Variants in TNNT1 observed in about 807,000 individuals in gnomAD.
The protein encoded by TNNT1 is troponin T1, slow skeletal type, also known as troponin T, slow skeletal muscle.
Under a neutral mutation model 50.6 loss-of-function variants are expected in TNNT1, and 53 were observed. The ratio of observed to expected loss-of-function variants is 1.05; its 90% CI spans 0.84 to 1.32. The LOEUF (loss-of-function observed/expected upper bound fraction) is 1.32, where lower values mean the gene tolerates loss of function less well. Among genes scored for constraint, TNNT1 ranks in the 40% most tolerant of loss-of-function variants. The pLI is 0.00. For missense variants in TNNT1, 348 were observed against 381.7 expected (o/e 0.91, Z 0.74); for synonymous variants, 142 against 138.0 (o/e 1.03, Z -0.20).
chr19:55,146,923 G>T (rs1411518022), intron 3 of TNNT1, 85 bp downstream of exon 3: 20 of 1,475,856 alleles, frequency 1.4e-5, no homozygotes. Context: ...CCCCTTCCCC[G>T]CCAAAGTGCC....
Position 55,137,164 on chromosome 19 carries a change from G to C in TNNT1, c.550C>G (p.Arg184Gly), listed in dbSNP as rs12976760. Reference protein sequence around the residue: ...KRQTGREMKVRILSERKKPLD... With the variant: ...KRQTGREMKVGILSERKKPLD... The stretch of plus-strand genomic sequence containing the variant: ...GGCTTCTTACGCTCGGAGAGGATGC[G>C]CACCTTCATCTCCCGCCCCGTCTGC... Residue 184 changes from arginine (R) to glycine (G), a missense_variant, in exon 11 of 14, where the codon CGC becomes GGC. Transcript: ENST00000588981. 1.2e-6 allele frequency: 2 copies of C among 1,612,640 alleles called. No homozygotes were observed. The highest frequency in any genetic ancestry group is 1.7e-6 in the Non-Finnish European group (2 of 1,179,634).
At chr19:55,140,776 C>T (rs1464600119) in intron 9 of TNNT1, 107 bp downstream of exon 9, 15 of 819,196 alleles carry the variant, frequency 1.8e-5, no homozygotes, top group Non-Finnish European at 2.4e-5. Flanking sequence ...GACTCCGTTT[C>T]AAAGAATAAT....
chr19:55,142,091 C>A, intron 6 of TNNT1, 171 bp from the exon 7 acceptor site: 1 of 640,794 alleles, frequency 1.6e-6, no homozygotes, highest in South Asian at 1.7e-5. Context: ...AGGTAAAATA[C>A]CTCACTACTC....
chr19:55,146,607 G>A (rs941995968), intron 4 of TNNT1, 74 bp downstream of exon 4: 1 of 701,808 alleles, frequency 1.4e-6, no homozygotes, highest in Non-Finnish European at 2.3e-6. Flanking sequence ...GCCCCATCCC[G>A]CCCCCTCCTC....
At position 55,147,095 on chromosome 19, in the gene TNNT1, ACGCCCCAACCCC is replaced by A; in HGVS notation, c.32+19_32+30del. ...GGTGGGAGAGCCTCTCCACCACTGC[ACGCCCCAACCCC>A]TCCCAGTGCAGCACTCACTCCTCAT... On this transcript the variant is annotated intron_variant, in intron 2 of 13. Transcript: ENST00000588981. The A allele has an allele frequency of 6.2e-7, 1 of 1,613,524 alleles. No individual in the cohort carries two copies. Among genetic ancestry groups the A allele is most frequent in the Non-Finnish European group, 8.5e-7 (1 of 1,179,800 alleles).
At chr19:55,149,036 C>T (rs2085631789) in intron 1 of TNNT1, 125 bp downstream of exon 1, 2 of 412,956 alleles carry the variant, frequency 4.8e-6, no homozygotes, top group South Asian at 3.4e-5. Context: ...TCCCAGACCT[C>T]CAGTTGTATG....
In TNNT1 at chr19:55,145,524, C is replaced by T. The variant is rs756407219; in HGVS notation, c.128+20G>A. 6 of 1,613,400 alleles carry T rather than the reference C, an allele frequency of 3.7e-6. No individual in the cohort carries two copies. The Admixed American group carries it at 1.0e-4, about 27-fold the overall frequency. ...TTAGGAAGATGTATGACTGGGGCCC[C>T]CCACCCTGTAGGATCTCACCTTGGT... On this transcript the variant is annotated intron_variant, in intron 6 of 13. Transcript: ENST00000588981.
At chr19:55,143,277 G>A (rs2147260318) in intron 6 of TNNT1, among the ~76,000 whole-genome samples, 1 of 152,274 alleles carries the variant, frequency 6.6e-6, no homozygotes, top group South Asian at 2.1e-4. Context: ...TGGGACTATA[G>A]GCGTGAGCCA....
intron 13 of TNNT1, 91 bp from the exon 14 acceptor site, chr19:55,133,051 A>C: frequency 5.1e-6 from 6 of 1,173,182 alleles, no homozygotes; most frequent in Non-Finnish European, 7.5e-6. Flanking sequence ...CCCATTCCCC[A>C]AAATATTAGC....
intron 9 of TNNT1, among the ~76,000 whole-genome samples, chr19:55,138,632 G>C (rs1568840037): frequency 1.3e-5 from 2 of 151,772 alleles, no homozygotes; most frequent in South Asian, 4.2e-4. Context: ...AGGAGAAGAA[G>C]AAATGCCTGC....
intron 11 of TNNT1, 143 bp downstream of exon 11, chr19:55,136,960 G>A: frequency 1.6e-6 from 1 of 619,454 alleles, no homozygotes; most frequent in Admixed American, 2.6e-5. Context: ...CAGAGGCCCA[G>A]AGAGGGGAAG....
At chr19:55,138,884 C>G (rs1024172990) in intron 9 of TNNT1, among the ~76,000 whole-genome samples, 1 of 152,178 alleles carries the variant, frequency 6.6e-6, no homozygotes, top group Non-Finnish European at 1.5e-5. Context: ...TTACGACATT[C>G]GAGAAACTCT....
At chr19:55,144,894 C>T (rs996948317) in intron 6 of TNNT1, among the ~76,000 whole-genome samples, 4 of 152,034 alleles carry the variant, frequency 2.6e-5, no homozygotes, top group South Asian at 2.1e-4. Flanking sequence ...AAGTCTCTCT[C>T]GAGTCATGGA....
intron 6 of TNNT1, 153 bp downstream of exon 6, chr19:55,145,391 G>A (rs559090805): frequency 1.4e-6 from 1 of 695,528 alleles, no homozygotes; most frequent in Non-Finnish European, 2.6e-6. Context: ...AGGGAGGAGG[G>A]AAAGGGGGAG....
chr19:55,135,108 T>C (rs1251138549), intron 11 of TNNT1, among the ~76,000 whole-genome samples: 2 of 152,140 alleles, frequency 1.3e-5, no homozygotes, highest in East Asian at 1.9e-4. Flanking sequence ...AAAACTACTT[T>C]GCCCAATCTC....
In TNNT1 at chr19:55,145,563, C is replaced by CT; in HGVS notation, c.108dup (p.Glu37ArgfsTer26). 6.2e-7 allele frequency: 1 copy of CT among 1,613,786 alleles called. No individual in the cohort carries two copies. The highest frequency in any genetic ancestry group is 1.1e-5 in the South Asian group (1 of 91,072). On this transcript the variant is annotated frameshift_variant and splice_region_variant, in exon 6 of 14. Coordinates refer to ENST00000588981, the MANE Select transcript of TNNT1 (RefSeq NM_003283.6). LOFTEE classifies it high-confidence loss of function. Reference sequence around the variant, plus strand: ...TCTCACCTTGGTTTGGGGCGTTCCTCTTCTGTTGGTGGTGGGGGATAAAAA... The same window carrying CT: ...TCTCACCTTGGTTTGGGGCGTTCCTCTTTCTGTTGGTGGTGGGGGATAAAAA...
chr19:55,136,498 G>A (rs1006572290), intron 11 of TNNT1, among the ~76,000 whole-genome samples: 2 of 152,184 alleles, frequency 1.3e-5, no homozygotes, highest in Non-Finnish European at 2.9e-5. Flanking sequence ...GTCAGATAAC[G>A]TGCGCAAGAT....
chr19:55,145,487 T>A, intron 6 of TNNT1, 57 bp downstream of exon 6: 1 of 1,554,598 alleles, frequency 6.4e-7, no homozygotes, highest in East Asian at 2.3e-5. Flanking sequence ...TCTCTGGGGG[T>A]AGAGGGAATA....
intron 7 of TNNT1, among the ~76,000 whole-genome samples, chr19:55,141,534 A>C (rs1350362526): frequency 7.0e-6 from 1 of 141,974 alleles, no homozygotes; most frequent in East Asian, 2.0e-4. Context: ...CCCAGGCTGG[A>C]GTGAAATGGC....
Sources: gnomAD v4.1 joint callset for allele counts (sites outside exome capture counted in the v4.1 genomes callset) on GRCh38, gnomAD v4.1.1 for gene constraint, MANE v1.5 for transcripts, NCBI Gene and HGNC (gene_info 2026-07-23, HGNC 2026-07-21) for gene names.